Variants in PALLD observed in about 807,000 individuals in gnomAD.
The protein encoded by PALLD is palladin.
Under a neutral mutation model 123.5 loss-of-function variants are expected in PALLD, and 61 were observed. That is an observed-to-expected ratio of 0.49 (90% CI 0.40 to 0.61). PALLD has a LOEUF of 0.61. Among genes scored for constraint, PALLD ranks in the 20% least tolerant of loss-of-function variants. PALLD has a pLI of 0.00. For synonymous variants in PALLD, 465 were observed against 496.4 expected (o/e 0.94, Z 0.84); for missense variants, 1,273 against 1,377.0 (o/e 0.92, Z 1.20).
At chr4:168,779,168 T>C (rs1175476268) in intron 10 of PALLD, among the ~76,000 whole-genome samples, 2 of 152,272 alleles carry the variant, frequency 1.3e-5, no homozygotes, top group African/African-American at 4.8e-5. Context: ...TCTATGTTGG[T>C]TGATCTATAA....
At chr4:168,701,478 T>G (rs1000575545) in intron 8 of PALLD, among the ~76,000 whole-genome samples, 4 of 152,224 alleles carry the variant, frequency 2.6e-5, no homozygotes, top group African/African-American at 9.7e-5. Context: ...ATATTCATCC[T>G]CAGGTTTTCT....
At chr4:168,894,842 G>A in intron 12 of PALLD, 165 bp downstream of exon 12, 2 of 1,103,328 alleles carry the variant, frequency 1.8e-6, no homozygotes, top group Non-Finnish European at 2.6e-6. Context: ...TTTTTATTGA[G>A]CACATACTAT....
intron 2 of PALLD, among the ~76,000 whole-genome samples, chr4:168,586,563 C>A (rs984878739): frequency 2.0e-5 from 3 of 152,150 alleles, no homozygotes; most frequent in African/African-American, 7.2e-5. Flanking sequence ...ATTTCTAGAA[C>A]TGCCAAGCTA....
chr4:168,774,409 C>A (rs1262139617), intron 10 of PALLD, among the ~76,000 whole-genome samples: 1 of 151,828 alleles, frequency 6.6e-6, no homozygotes, highest in Non-Finnish European at 1.5e-5. Context: ...ATGTACATGC[C>A]CTTGGAAGCA....
intron 2 of PALLD, among the ~76,000 whole-genome samples, chr4:168,639,249 G>T (rs1407169840): frequency 6.6e-6 from 1 of 152,212 alleles, no homozygotes; most frequent in East Asian, 1.9e-4. Flanking sequence ...TTATTTTATA[G>T]ATGAGGAAAC....
intron 1 of PALLD, among the ~76,000 whole-genome samples, chr4:168,498,886 G>A (rs1264712735): frequency 2.0e-5 from 3 of 152,044 alleles, no homozygotes; most frequent in Non-Finnish European, 4.4e-5. Context: ...AAGATGAACA[G>A]GACATGGGAT....
At chr4:168,507,197 C>T (rs184758463) in intron 1 of PALLD, among the ~76,000 whole-genome samples, 3 of 152,296 alleles carry the variant, frequency 2.0e-5, no homozygotes, top group Non-Finnish European at 2.9e-5. Flanking sequence ...CTTGTTCCTC[C>T]ACTTGTAGCA....
At chr4:168,713,340 T>C (rs935282417) in intron 10 of PALLD, among the ~76,000 whole-genome samples, 4 of 152,260 alleles carry the variant, frequency 2.6e-5, no homozygotes, top group African/African-American at 9.6e-5. Context: ...TTGCCACTGC[T>C]GACTTCTTTC....
chr4:168,596,075 T>C (rs547151299), intron 2 of PALLD, among the ~76,000 whole-genome samples: 8 of 152,252 alleles, frequency 5.3e-5, no homozygotes, highest in Admixed American at 5.2e-4. Flanking sequence ...CTATTTATAC[T>C]CCATTTAAAT....
intron 14 of PALLD, among the ~76,000 whole-genome samples, chr4:168,899,258 A>C (rs1755924331): frequency 6.6e-6 from 1 of 152,202 alleles, no homozygotes; most frequent in African/African-American, 2.4e-5. Context: ...CCTGGATGGG[A>C]GCTCTCTCCA....
chr4:168,833,617 T>C (rs1429331599), intron 10 of PALLD, among the ~76,000 whole-genome samples: 1 of 152,100 alleles, frequency 6.6e-6, no homozygotes, highest in Non-Finnish European at 1.5e-5. Context: ...ATTTGTGTTA[T>C]GCAGGCTCCT....
At chr4:168,530,503 C>G (rs1042209625) in intron 2 of PALLD, 2 of 152,188 alleles carry the variant, frequency 1.3e-5, no homozygotes, top group Admixed American at 6.5e-5. Flanking sequence ...TGGCTCCTCC[C>G]CTCGCCAATT....
intron 2 of PALLD, among the ~76,000 whole-genome samples, chr4:168,518,880 T>TAATA (rs1367403602): frequency 1.3e-5 from 2 of 152,212 alleles, no homozygotes; most frequent in Non-Finnish European, 2.9e-5. Flanking sequence ...GTCTGGCATG[T>TAATA]AACAGGTGCT....
At chr4:168,576,863 C>G (rs1376557964) in intron 2 of PALLD, among the ~76,000 whole-genome samples, 1 of 151,954 alleles carries the variant, frequency 6.6e-6, no homozygotes, top group African/African-American at 2.4e-5. Flanking sequence ...AGTGTAAAAG[C>G]AAAACCACAA....
intron 3 of PALLD, among the ~76,000 whole-genome samples, chr4:168,679,674 G>C (rs1171318375): frequency 2.6e-5 from 4 of 152,014 alleles, no homozygotes; most frequent in Non-Finnish European, 2.9e-5. Context: ...AGTCCAAGAA[G>C]TTCTGGCAGA....
chr4:168,663,435 G>A (rs1779316199), intron 2 of PALLD, among the ~76,000 whole-genome samples: 1 of 152,184 alleles, frequency 6.6e-6, no homozygotes, highest in Admixed American at 6.5e-5. Flanking sequence ...CTCAAGCACA[G>A]GGGCTGTTTC....
chr4:168,785,012 CA>C (rs1264617092), intron 10 of PALLD, among the ~76,000 whole-genome samples: 5 of 148,064 alleles, frequency 3.4e-5, no homozygotes, highest in Non-Finnish European at 7.4e-5. Context: ...GGTGGTGTCC[CA>C]GACATTTTCC....
At chr4:168,534,004 GTATAA>G (rs1764859669) in intron 2 of PALLD, among the ~76,000 whole-genome samples, 1 of 152,126 alleles carries the variant, frequency 6.6e-6, no homozygotes, top group Non-Finnish European at 1.5e-5. Context: ...AAATAATCTT[GTATAA>G]TATATTATGG....
At chr4:168,747,727 A>G (rs1730513099) in intron 10 of PALLD, among the ~76,000 whole-genome samples, 1 of 152,218 alleles carries the variant, frequency 6.6e-6, no homozygotes, top group Admixed American at 6.5e-5. Flanking sequence ...GAAGCCAAGC[A>G]ACTTTCCCAA....
Sources: allele counts gnomAD v4.1 joint callset (sites outside exome capture counted in the v4.1 genomes callset), GRCh38; gene constraint gnomAD v4.1.1; transcripts MANE v1.5; gene names NCBI Gene and HGNC (gene_info 2026-07-23, HGNC 2026-07-21).